TULP4: variants seen among roughly 807,000 people sequenced by gnomAD.
The protein encoded by TULP4 is tubby-related protein 4.
A neutral mutation model predicts 129.0 loss-of-function variants in TULP4; 16 were observed. The observed-to-expected ratio is 0.12, with a 90% CI of 0.08 to 0.19. TULP4 has a LOEUF of 0.19. Ranked by LOEUF, TULP4 falls within the 10% of genes least tolerant of loss-of-function variation. The probability of loss-of-function intolerance (pLI) is 1.00; values close to 1 mark genes in which losing one functional copy is unlikely to be tolerated. For missense variants in TULP4, 1,842 were observed against 2,059.1 expected (o/e 0.89, Z 2.04); for synonymous variants, 998 against 854.0 (o/e 1.17, Z -2.94).
Position 158,511,223 on chromosome 6 carries a change from A to AT in TULP4, c.*4535dup, listed in dbSNP as rs780958875. 1.4e-4 allele frequency: 22 copies of AT among 152,454 alleles called. No homozygotes were observed. Among genetic ancestry groups the AT allele is most frequent in the Non-Finnish European group, 2.5e-4 (17 of 68,004 alleles). The allele number at this position is 152,454 out of a possible 1,614,324, so 9.4% of individuals were successfully genotyped here. ...ATCTTGTTGTTTATTGTAGATAAAAATTTTTTCGTGTTGTAGAAAAGCATG... is the reference window on the plus strand; with the variant it reads ...ATCTTGTTGTTTATTGTAGATAAAAATTTTTTTCGTGTTGTAGAAAAGCATG... On this transcript the variant is annotated 3_prime_UTR_variant, in exon 14 of 14. Coordinates refer to ENST00000367097, the MANE Select transcript of TULP4 (RefSeq NM_020245.5).
At chr6:158,359,234 C>T (rs959033655) in intron 1 of TULP4, among the ~76,000 whole-genome samples, 2 of 151,990 alleles carry the variant, frequency 1.3e-5, no homozygotes, top group African/African-American at 4.8e-5. Context: ...GGAGAAACAC[C>T]CCCTTTTGAA....
intron 5 of TULP4, among the ~76,000 whole-genome samples, chr6:158,456,877 T>A (rs1779304319): frequency 6.6e-6 from 1 of 152,054 alleles, no homozygotes; most frequent in Admixed American, 6.5e-5. Context: ...ACACCATACT[T>A]GGGATCTCGT....
chr6:158,257,482 A>G lies in TULP4; in HGVS notation n.68+25179A>G, dbSNP rs920131613. 2.0e-5 allele frequency among the ~76,000 whole-genome samples: 3 copies of G among 152,212 alleles called. No individual in the cohort carries two copies. The East Asian group carries it at 5.8e-4, about 29-fold the overall frequency. On this transcript the variant is annotated intron_variant and non_coding_transcript_variant, in intron 1 of 1. Coordinates refer to the TULP4 transcript ENST00000620026. ...GTACAGTTCAGGGCCATTAAACAAC[A>G]TTTATATTGTTGTGCAGCCGCCATG...
intron 1 of TULP4, among the ~76,000 whole-genome samples, chr6:158,275,869 C>T (rs1778637500): frequency 6.6e-6 from 1 of 152,114 alleles, no homozygotes; most frequent in African/African-American, 2.4e-5. Flanking sequence ...TGTGAAAGTA[C>T]TGAGGGAGGG....
At position 158,313,997 on chromosome 6, in the gene TULP4, A is replaced by G. The variant is rs756841329; in HGVS notation, c.-20A>G. On this transcript the variant is annotated 5_prime_UTR_variant, in exon 1 of 14. Transcript: ENST00000367097. Reference sequence around the variant, plus strand: ...AGCATTAACATTACTTTTTAAGTAAAACAGTTCATTGAAGAAAGTATGTAT... The same window carrying G: ...AGCATTAACATTACTTTTTAAGTAAGACAGTTCATTGAAGAAAGTATGTAT... 2.5e-6 allele frequency: 4 copies of G among 1,607,606 alleles called. No homozygotes were observed. In the East Asian group the frequency reaches 8.9e-5, roughly 36 times the overall value.
rs1780744921 is a variant in TULP4 at position 158,511,740 on chromosome 6, A to T, written c.*5046A>T. The T allele has an allele frequency of 6.6e-6, 1 of 152,236 alleles. No individual in the cohort carries two copies. The highest frequency in any genetic ancestry group is 2.4e-5 in the African/African-American group (1 of 41,458). 9.4% of individuals were successfully genotyped at this position (152,236 alleles called of 1,614,324 possible). A position where few individuals can be genotyped will look rare whatever the true frequency, so the allele number is the denominator to read the frequency against. ...GTTATTTTCTGTCTTTATTACTGAGACGGATTAATCTCCTTATTTTTTTCT... is the reference window on the plus strand; with the variant it reads ...GTTATTTTCTGTCTTTATTACTGAGTCGGATTAATCTCCTTATTTTTTTCT... On this transcript the variant is annotated 3_prime_UTR_variant, in exon 14 of 14. Transcript: ENST00000367097.
intron 1 of TULP4, among the ~76,000 whole-genome samples, chr6:158,304,853 G>A (rs1255651080): frequency 1.3e-5 from 2 of 151,658 alleles, no homozygotes; most frequent in Non-Finnish European, 2.9e-5. Context: ...TTTTTGTAAC[G>A]ACGGGGTCTT....
At chr6:158,336,888 A>G (rs1280314227) in intron 1 of TULP4, among the ~76,000 whole-genome samples, 1 of 152,044 alleles carries the variant, frequency 6.6e-6, no homozygotes, top group Non-Finnish European at 1.5e-5. Flanking sequence ...CATTTTGTTT[A>G]AGATGTTTTC....
At chr6:158,348,676 G>A (rs973725718) in intron 1 of TULP4, among the ~76,000 whole-genome samples, 6 of 151,990 alleles carry the variant, frequency 3.9e-5, no homozygotes, top group Admixed American at 6.5e-5. Flanking sequence ...GCCCGTTCTC[G>A]ATGGTCGCTG....
chr6:158,499,611 T>C (rs1474209750), intron 12 of TULP4, among the ~76,000 whole-genome samples: 1 of 152,188 alleles, frequency 6.6e-6, no homozygotes, highest in Non-Finnish European at 1.5e-5. Context: ...ATTTTATAGA[T>C]ACACAGACTC....
chr6:158,361,046 T>G (rs537563766), intron 1 of TULP4, among the ~76,000 whole-genome samples: 1 of 152,314 alleles, frequency 6.6e-6, no homozygotes, highest in South Asian at 2.1e-4. Flanking sequence ...ATCTTTCTGT[T>G]TTTAGTTTTA....
At chr6:158,448,443 A>G (rs1779100202) in intron 3 of TULP4, among the ~76,000 whole-genome samples, 1 of 152,236 alleles carries the variant, frequency 6.6e-6, no homozygotes, top group African/African-American at 2.4e-5. Context: ...ATACATTAAT[A>G]CTATTATTAT....
At position 158,313,884 on chromosome 6, in the gene TULP4, G is replaced by GT; in HGVS notation, c.-133_-132insT. 1.0e-6 allele frequency: 1 copy of GT among 958,690 alleles called. No homozygotes were observed. The highest frequency in any genetic ancestry group is 1.5e-6 in the Non-Finnish European group (1 of 660,390). The allele number at this position is 958,690 out of a possible 1,614,324, so 59.4% of individuals were successfully genotyped here. ...AATACTGACCTTCTAATTAGATTCA[G>GT]GTCAGTCTTAATTAAAGGGGGAAAA... On this transcript the variant is annotated 5_prime_UTR_variant, in exon 1 of 14. Coordinates refer to ENST00000367097, the MANE Select transcript of TULP4 (RefSeq NM_020245.5).
At chr6:158,258,257 C>A (rs1744513779) in intron 1 of TULP4, among the ~76,000 whole-genome samples, 3 of 152,202 alleles carry the variant, frequency 2.0e-5, no homozygotes, top group African/African-American at 7.2e-5. Context: ...GGAGGACACT[C>A]TTTCTTTCTC....
chr6:158,373,148 A>G (rs1777108137), intron 1 of TULP4, among the ~76,000 whole-genome samples: 2 of 152,224 alleles, frequency 1.3e-5, no homozygotes, highest in South Asian at 4.1e-4. Flanking sequence ...ATCAGTGAAA[A>G]TGTAGTCTAC....
chr6:158,463,078 T>A (rs532752679), intron 6 of TULP4, among the ~76,000 whole-genome samples: 1 of 152,258 alleles, frequency 6.6e-6, no homozygotes, highest in East Asian at 1.9e-4. Context: ...CTTTACCCTG[T>A]GTGTATCTCA....
At chr6:158,362,038 G>C (rs575490644) in intron 1 of TULP4, among the ~76,000 whole-genome samples, 5 of 152,280 alleles carry the variant, frequency 3.3e-5, no homozygotes, top group African/African-American at 1.2e-4. Context: ...AGACTGTTTT[G>C]CGATTACTTT....
intron 1 of TULP4, among the ~76,000 whole-genome samples, chr6:158,351,161 T>TTCTGGAG (rs1780508978): frequency 6.6e-6 from 1 of 152,196 alleles, no homozygotes; most frequent in Non-Finnish European, 1.5e-5. Context: ...GGTCCTGAGT[T>TTCTGGAG]ATACAGTACT....
At chr6:158,360,126 G>GAA (rs566077497) in intron 1 of TULP4, among the ~76,000 whole-genome samples, 78 of 144,858 alleles carry the variant, frequency 5.4e-4, no homozygotes, top group African/African-American at 1.7e-3. Context: ...AACAAACAAG[G>GAA]AAAAAAAAAA....
Sources: gnomAD v4.1 joint callset for allele counts (sites outside exome capture counted in the v4.1 genomes callset) on GRCh38, gnomAD v4.1.1 for gene constraint, MANE v1.5 for transcripts, NCBI Gene and HGNC (gene_info 2026-07-23, HGNC 2026-07-21) for gene names.